USP14: variants seen among roughly 807,000 people sequenced by gnomAD.
The protein encoded by USP14 is ubiquitin carboxyl-terminal hydrolase 14.
In USP14, 38 loss-of-function variants were observed where a neutral mutation model predicts 76.5. The observed-to-expected ratio is 0.50, with a 90% CI of 0.38 to 0.65. USP14 has a LOEUF of 0.65. Among genes scored for constraint, USP14 ranks in the 30% least tolerant of loss-of-function variants. USP14 has a pLI of 0.00. For missense variants in USP14, 467 were observed against 586.5 expected, an observed-to-expected ratio of 0.80 and a Z score of 2.10; for synonymous variants, 192 against 191.7, an observed-to-expected ratio of 1.00 and a Z score of -0.01.
chr18:214,615 A>G lies in USP14; in HGVS notation c.*3331A>G. ...CTATCACAGTTTTAATAAAAAGAAA[A>G]AAAAAAGAAGCTAACTATTTGTCTC... On this transcript the variant is annotated 3_prime_UTR_variant, in exon 16 of 16. Transcript: ENST00000261601. 2 of 1,584,538 alleles carry G rather than the reference A, an allele frequency of 1.3e-6. No homozygotes were observed. Among genetic ancestry groups the G allele is most frequent in the Non-Finnish European group, 1.7e-6 (2 of 1,167,082 alleles).
At chr18:201,151 A>G (rs1438699469) in intron 10 of USP14, among the ~76,000 whole-genome samples, 1 of 152,256 alleles carries the variant, frequency 6.6e-6, no homozygotes, top group Admixed American at 6.5e-5. Flanking sequence ...GTTGTATGAA[A>G]AATAAATGCA....
chr18:184,402 A>G (rs1035309739), intron 5 of USP14, among the ~76,000 whole-genome samples: 1 of 152,210 alleles, frequency 6.6e-6, no homozygotes, highest in Admixed American at 6.5e-5. Flanking sequence ...GCTGGAGATG[A>G]GGAAGACCAT....
intron 6 of USP14, among the ~76,000 whole-genome samples, chr18:193,868 G>A (rs975847478): frequency 6.6e-6 from 1 of 152,046 alleles, no homozygotes; most frequent in African/African-American, 2.4e-5. Context: ...TCTGCTTTTC[G>A]ACTATTACAA....
intron 1 of USP14, 47 bp from the exon 2 acceptor site, chr18:163,261 C>G (rs1191521766): frequency 2.6e-6 from 4 of 1,528,648 alleles, no homozygotes; most frequent in African/African-American, 2.8e-5. Flanking sequence ...GTCTGTAAAT[C>G]TTGTCTTGTT....
chr18:213,309 G>C lies in USP14; in HGVS notation c.*2025G>C, dbSNP rs1352149030. The stretch of plus-strand genomic sequence containing the variant: ...GAGCAAAGTATATAAGCCTTGTATG[G>C]ACTATATTAGAATTTTAAAAATTGT... On this transcript the variant is annotated 3_prime_UTR_variant, in exon 16 of 16. Coordinates refer to ENST00000261601, the MANE Select transcript of USP14 (RefSeq NM_005151.4). 6 of 151,956 alleles carry C rather than the reference G, an allele frequency of 3.9e-5. No individual in the cohort carries two copies. Among genetic ancestry groups the C allele is most frequent in the Admixed American group, 6.6e-5 (1 of 15,246 alleles). The allele number at this position is 151,956 out of a possible 1,614,324, so 9.4% of individuals were successfully genotyped here.
chr18:203,095 C>T lies in USP14; in HGVS notation c.943-3C>T, dbSNP rs1233283196. 1.9e-6 allele frequency: 3 copies of T among 1,613,332 alleles called. No homozygotes were observed. The Admixed American group carries it at 5.0e-5, about 27-fold the overall frequency. Reference sequence around the variant, plus strand: ...GGGATTTCTTTACATTTTGTCTCCTCAGTCCAAGATCAGCCGGCTGCCTGC... The same window carrying T: ...GGGATTTCTTTACATTTTGTCTCCTTAGTCCAAGATCAGCCGGCTGCCTGC... On this transcript the variant is annotated splice_polypyrimidine_tract_variant and splice_region_variant and intron_variant, in intron 11 of 15. Transcript: ENST00000261601.
In USP14 at chr18:214,002, A is replaced by ATGAT. The variant is rs770194692; in HGVS notation, c.*2727_*2730dup. 7,639 of 125,234 alleles carry ATGAT rather than the reference A, an allele frequency of 0.061. 260 individuals are homozygous for ATGAT. Among genetic ancestry groups the ATGAT allele is most frequent in the Non-Finnish European group, 0.092 (5,199 of 56,780 alleles). 7.8% of individuals were successfully genotyped at this position (125,234 alleles called of 1,614,324 possible). ...AGATAGATAGATAGATAGATAGATG[A>ATGAT]TGATTGATTGATGATTGATAGTAAA... On this transcript the variant is annotated 3_prime_UTR_variant, in exon 16 of 16. Transcript: ENST00000261601.
chr18:206,534 GT>G (rs1472962386), intron 13 of USP14, among the ~76,000 whole-genome samples: 2 of 152,218 alleles, frequency 1.3e-5, no homozygotes, highest in East Asian at 3.9e-4. Flanking sequence ...CAGAAGAAAG[GT>G]TTTTTTAATT....
chr18:185,342 A>G (rs1207162257), intron 5 of USP14, among the ~76,000 whole-genome samples: 1 of 152,028 alleles, frequency 6.6e-6, no homozygotes, highest in African/African-American at 2.4e-5. Flanking sequence ...TATTTTTAGT[A>G]GAGACGGGTT....
intron 3 of USP14, among the ~76,000 whole-genome samples, chr18:173,329 T>C (rs1182455855): frequency 1.3e-5 from 2 of 151,886 alleles, no homozygotes; most frequent in Non-Finnish European, 2.9e-5. Context: ...GCCAGGATGG[T>C]CTCTATCTCC....
chr18:160,491 C>G (rs1248017030), intron 1 of USP14, among the ~76,000 whole-genome samples: 2 of 152,078 alleles, frequency 1.3e-5, no homozygotes, highest in Non-Finnish European at 2.9e-5. Flanking sequence ...CCACTGCACT[C>G]CAGCCTGGGT....
chr18:209,121 CTTTT>C (rs35848582), intron 13 of USP14, among the ~76,000 whole-genome samples: 3 of 144,108 alleles, frequency 2.1e-5, no homozygotes, highest in Admixed American at 2.1e-4. Flanking sequence ...GATGTTTTGC[CTTTT>C]TTTTTTTGTC....
chr18:210,194 C>A, intron 14 of USP14, 163 bp downstream of exon 14: 2 of 704,252 alleles, frequency 2.8e-6, no homozygotes, highest in Non-Finnish European at 4.7e-6. Context: ...TACTCATTGG[C>A]ATACAGTTCT....
intron 6 of USP14, chr18:196,411 C>A: frequency 1.2e-5 from 4 of 325,088 alleles, no homozygotes; most frequent in Admixed American, 9.4e-5. Flanking sequence ...GTAATCCCAG[C>A]TACTCTGGAG....
chr18:204,423 A>G, intron 12 of USP14, 141 bp from the exon 13 acceptor site: 3 of 747,162 alleles, frequency 4.0e-6, no homozygotes, highest in South Asian at 2.6e-5. Context: ...AGAGGTTTCA[A>G]CTGCAGATTT....
intron 2 of USP14, 136 bp from the exon 3 acceptor site, chr18:166,651 T>G: frequency 8.9e-7 from 1 of 1,123,252 alleles, no homozygotes; most frequent in African/African-American, 1.6e-5. Context: ...TTTTTTTAAT[T>G]GCCATAATTT....
At position 210,423 on chromosome 18, in the gene USP14, A is replaced by G. The variant is rs1216821949; in HGVS notation, c.1263A>G (p.Gln421=). 5 of 1,610,752 alleles carry G rather than the reference A, an allele frequency of 3.1e-6. No individual in the cohort carries two copies. The highest frequency in any genetic ancestry group is 4.2e-6 in the Non-Finnish European group (5 of 1,178,774). The part of the protein sequence containing the change: ...GSNNCGYYDL[Q]AVLTHQGRSS... ...ATAATTGTGGATACTATGACTTACA[A>G]GCAGTACTAACACACCAGGGAAGGT... The change falls in exon 15 of 16, where the codon CAA becomes CAG. Residue 421 remains glutamine, a synonymous_variant. Transcript: ENST00000261601.
At position 171,009 on chromosome 18, in the gene USP14, T is replaced by TAA. The variant is rs145131497; in HGVS notation, c.195+4206_195+4207dup. On this transcript the variant is annotated intron_variant, in intron 3 of 15. Transcript: ENST00000261601. ...CATCCTGGACATGTACCCTGGAACT[T>TAA]AAAAAAAAAAAAAAAAATATATATA... Among the ~76,000 whole-genome samples, 409 of 91,700 alleles carry TAA rather than the reference T, an allele frequency of 4.5e-3. 10 individuals are homozygous for TAA. Among genetic ancestry groups the TAA allele is most frequent in the Middle Eastern group, 0.022 (3 of 134 alleles). 60.2% of individuals were successfully genotyped at this position (91,700 alleles called of 152,430 possible).
chr18:200,956 C>T (rs911201800), intron 10 of USP14, among the ~76,000 whole-genome samples: 6 of 152,028 alleles, frequency 3.9e-5, no homozygotes, highest in Non-Finnish European at 8.8e-5. Flanking sequence ...TGCGTGCCAC[C>T]ACACCTGGCT....
Sources: gnomAD v4.1 joint callset for allele counts (sites outside exome capture counted in the v4.1 genomes callset) on GRCh38, gnomAD v4.1.1 for gene constraint, MANE v1.5 for transcripts, NCBI Gene and HGNC (gene_info 2026-07-23, HGNC 2026-07-21) for gene names.